Variants in EEFSEC observed in about 807,000 individuals in gnomAD.
The protein encoded by EEFSEC is selenocysteine-specific elongation factor.
EEFSEC carries 43 observed loss-of-function variants against 42.1 expected under a neutral mutation model. That is an observed-to-expected ratio of 1.02 (90% CI 0.80 to 1.32). The LOEUF is 1.32. Ranked by LOEUF, EEFSEC falls within the 40% of genes most tolerant of loss-of-function variation. The pLI, the probability that EEFSEC is intolerant of heterozygous loss-of-function variation, is 0.00. For synonymous variants in EEFSEC, 354 were observed against 339.1 expected, an observed-to-expected ratio of 1.04 and a Z score of -0.48; for missense variants, 745 against 803.6, an observed-to-expected ratio of 0.93 and a Z score of 0.88.
chr3:128,220,010 C>CA (rs2065846792), intron 1 of EEFSEC, among the ~76,000 whole-genome samples: 1 of 152,178 alleles, frequency 6.6e-6, no homozygotes, highest in Admixed American at 6.5e-5. Flanking sequence ...GCGGTGGCAG[C>CA]TCTGTTCTCT....
chr3:128,301,940 C>T (rs1396197927), intron 4 of EEFSEC, among the ~76,000 whole-genome samples: 1 of 152,108 alleles, frequency 6.6e-6, no homozygotes, highest in African/African-American at 2.4e-5. Flanking sequence ...CAGAAGGGAC[C>T]TGGGGGGCTA....
chr3:128,289,258 C>T (rs950090696), intron 4 of EEFSEC, among the ~76,000 whole-genome samples: 1 of 152,216 alleles, frequency 6.6e-6, no homozygotes, highest in Non-Finnish European at 1.5e-5. Context: ...ATAGGTTCCC[C>T]ACTCCCGCTT....
intron 1 of EEFSEC, among the ~76,000 whole-genome samples, chr3:128,205,766 G>T (rs1168394919): frequency 2.0e-5 from 3 of 152,158 alleles, no homozygotes; most frequent in African/African-American, 7.2e-5. Flanking sequence ...GGCTTGCTTT[G>T]TGTGACTGGG....
chr3:128,408,582 C>A lies in EEFSEC; in HGVS notation c.*323C>A, dbSNP rs2068150308. ...TGGCCACCTGCAGGCCAGTCTCAAC[C>A]CTCCCCCAGGTGGGCAGGCACTTGA... On this transcript the variant is annotated 3_prime_UTR_variant, in exon 7 of 7. Coordinates refer to ENST00000254730, the MANE Select transcript of EEFSEC (RefSeq NM_021937.5). 7.4e-6 allele frequency: 2 copies of A among 270,256 alleles called. No homozygotes were observed. Among genetic ancestry groups the A allele is most frequent in the African/African-American group, 2.2e-5 (1 of 45,560 alleles). 16.7% of individuals were successfully genotyped at this position (270,256 alleles called of 1,614,324 possible). A position where few individuals can be genotyped will look rare whatever the true frequency, so the allele number is the denominator to read the frequency against.
the EEFSEC span, among the ~76,000 whole-genome samples, chr3:128,413,738 G>A: frequency 2.6e-5 from 4 of 152,184 alleles, no homozygotes; most frequent in African/African-American, 4.8e-5. Context: ...CCTGGGGCAC[G>A]GTGCCAGGCC....
intron 4 of EEFSEC, among the ~76,000 whole-genome samples, chr3:128,333,303 C>G (rs532789073): frequency 6.6e-6 from 1 of 152,322 alleles, no homozygotes; most frequent in African/African-American, 2.4e-5. Context: ...TGGAGGGACC[C>G]CCCAACACTG....
chr3:128,360,344 C>T (rs1398803205), intron 6 of EEFSEC, among the ~76,000 whole-genome samples: 2 of 152,192 alleles, frequency 1.3e-5, no homozygotes, highest in Non-Finnish European at 1.5e-5. Flanking sequence ...CCAAGGGCCT[C>T]GTGCCTATGC....
At chr3:128,224,913 T>C (rs1376501428) in intron 1 of EEFSEC, among the ~76,000 whole-genome samples, 1 of 152,248 alleles carries the variant, frequency 6.6e-6, no homozygotes, top group Non-Finnish European at 1.5e-5. Context: ...GAGAGGTAGA[T>C]TGGCTTCCTC....
intron 1 of EEFSEC, among the ~76,000 whole-genome samples, chr3:128,219,354 A>G (rs1349308289): frequency 6.6e-6 from 1 of 152,200 alleles, no homozygotes; most frequent in African/African-American, 2.4e-5. Flanking sequence ...GCCTTCTGTT[A>G]ACAGTAAAAT....
intron 4 of EEFSEC, among the ~76,000 whole-genome samples, chr3:128,331,760 C>T (rs987896944): frequency 1.3e-5 from 2 of 152,118 alleles, no homozygotes; most frequent in Non-Finnish European, 2.9e-5. Context: ...GGTCAGCACA[C>T]CTTATCTATT....
chr3:128,378,097 C>A (rs574203220), intron 6 of EEFSEC, among the ~76,000 whole-genome samples: 3 of 152,366 alleles, frequency 2.0e-5, no homozygotes, highest in Admixed American at 6.5e-5. Flanking sequence ...GCCTCCTACA[C>A]TGGGGACTAG....
intron 2 of EEFSEC, among the ~76,000 whole-genome samples, chr3:128,255,151 C>T (rs563732180): frequency 2.2e-4 from 34 of 152,210 alleles, no homozygotes; most frequent in African/African-American, 6.0e-4. Flanking sequence ...TGGGAGCGGC[C>T]CACAAGGGGG....
chr3:128,386,492 GCAGTGA>G (rs2067839934), intron 6 of EEFSEC, among the ~76,000 whole-genome samples: 1 of 152,090 alleles, frequency 6.6e-6, no homozygotes. Flanking sequence ...GGGGGGGGAT[GCAGTGA>G]CAGGTGACAC....
chr3:128,386,908 AC>A (rs1304178098), intron 6 of EEFSEC, among the ~76,000 whole-genome samples: 4 of 152,190 alleles, frequency 2.6e-5, no homozygotes, highest in African/African-American at 9.7e-5. Context: ...CACCTCCAAC[AC>A]TGGGGGTCAC....
At chr3:128,207,160 T>C (rs1414411586) in intron 1 of EEFSEC, among the ~76,000 whole-genome samples, 2 of 152,130 alleles carry the variant, frequency 1.3e-5, no homozygotes, top group Non-Finnish European at 2.9e-5. Flanking sequence ...TATTTAAAGA[T>C]GGCCAGCCCT....
At position 128,153,633 on chromosome 3, in the gene EEFSEC, C is replaced by T. The variant is rs763931850; in HGVS notation, c.126C>T (p.Ser42=). 12 of 1,598,048 alleles carry T rather than the reference C, an allele frequency of 7.5e-6. No homozygotes were observed. The highest frequency in any genetic ancestry group is 9.3e-6 in the Non-Finnish European group (11 of 1,177,800). The change falls in exon 1 of 7, where the codon AGC becomes AGT. Residue 42 remains serine, a synonymous_variant. Transcript: ENST00000254730. ...STAAFDKQPQ[S]RERGITLDLG... The stretch of plus-strand genomic sequence containing the variant: ...CCGCCTTTGACAAGCAGCCGCAGAG[C>T]CGCGAGCGCGGCATCACGCTCGATC...
chr3:128,301,468 G>A (rs935376214), intron 4 of EEFSEC, among the ~76,000 whole-genome samples: 13 of 152,256 alleles, frequency 8.5e-5, no homozygotes, highest in South Asian at 4.1e-4. Flanking sequence ...GTGGTGAACC[G>A]GTCAGGGACT....
At chr3:128,356,143 C>T (rs2067450560) in intron 5 of EEFSEC, among the ~76,000 whole-genome samples, 2 of 152,202 alleles carry the variant, frequency 1.3e-5, no homozygotes, top group Non-Finnish European at 2.9e-5. Flanking sequence ...ATGGTAGGCT[C>T]TTATAGGAAT....
chr3:128,341,364 C>G lies in EEFSEC; in HGVS notation c.918C>G (p.Pro306=). Residue 306 remains proline, a synonymous_variant, in exon 5 of 7, where the codon CCC becomes CCG. Coordinates refer to ENST00000254730, the MANE Select transcript of EEFSEC (RefSeq NM_021937.5). The stretch of plus-strand genomic sequence containing the variant: ...TGGAGCGCGGGTTGGTGTGTGCCCC[C>G]GAGTCCCTGCACACTGTCCATGCGG... ...KLLERGLVCA[P]ESLHTVHAAL... The G allele has an allele frequency of 3.1e-6, 5 of 1,614,104 alleles. No homozygotes were observed. The highest frequency in any genetic ancestry group is 4.2e-6 in the Non-Finnish European group (5 of 1,180,022).
Sources: allele counts gnomAD v4.1 joint callset (sites outside exome capture counted in the v4.1 genomes callset), GRCh38; gene constraint gnomAD v4.1.1; transcripts MANE v1.5; gene names NCBI Gene and HGNC (gene_info 2026-07-23, HGNC 2026-07-21).